GATA1: variants seen among roughly 807,000 people sequenced by gnomAD.
The protein encoded by GATA1 is erythroid transcription factor.
In GATA1, 2 loss-of-function variants were observed where a neutral mutation model predicts 18.9. That is an observed-to-expected ratio of 0.11 (90% CI 0.04 to 0.33). The LOEUF is 0.33. GATA1 is among the 10% of genes least tolerant of loss of function. The pLI, the probability that GATA1 is intolerant of heterozygous loss-of-function variation, is 1.00. For synonymous variants in GATA1, 152 were observed against 149.1 expected (o/e 1.02, Z -0.14); for missense variants, 272 against 344.7 (o/e 0.79, Z 1.67).
chrX:48,789,585 G>C (rs1361615988), intron 1 of GATA1, among the ~76,000 whole-genome samples: 1 of 111,445 alleles, frequency 9.0e-6, no homozygotes, highest in Non-Finnish European at 1.9e-5. Flanking sequence ...GAAAGAGCCT[G>C]AAAGCAGAAC....
chrX:48,793,327 C>T lies in GATA1; in HGVS notation c.870+30C>T, dbSNP rs1557020467. On this transcript the variant is annotated intron_variant, in intron 5 of 5. Coordinates refer to ENST00000376670, the MANE Select transcript of GATA1 (RefSeq NM_002049.4). ...CGCCCTGCCCCTTGGAGCCACCCCT[C>T]TGCTTTCCCTGTCTTCATGCCACAC... is the stretch of plus-strand genomic sequence containing the variant. 3 of 1,201,933 alleles carry T rather than the reference C, an allele frequency of 2.5e-6. No homozygotes were observed. The African/African-American group carries it at 5.2e-5, about 21-fold the overall frequency.
chrX:48,790,918 G>C (rs782091239), intron 1 of GATA1, among the ~76,000 whole-genome samples, 173 bp from the exon 2 acceptor site: 1 of 91,109 alleles, frequency 1.1e-5, no homozygotes, highest in East Asian at 3.7e-4. Flanking sequence ...GAGAAGGAGG[G>C]GAAGGAGAGG....
intron 1 of GATA1, among the ~76,000 whole-genome samples, chrX:48,787,888 G>T (rs1557019444): frequency 8.9e-6 from 1 of 112,115 alleles, no homozygotes. Context: ...GGGGTGAGGG[G>T]CTGGGGCCGA....
At position 48,791,396 on chromosome X, in the gene GATA1, G is replaced by A. The variant is rs940728815; in HGVS notation, c.220+67G>A. 4 of 962,603 alleles carry A rather than the reference G, an allele frequency of 4.2e-6. No homozygotes were observed. In the South Asian group the frequency reaches 8.2e-5, roughly 20 times the overall value. The allele number at this position is 962,603 out of a possible 1,213,427, so 79.3% of individuals were successfully genotyped here. Reference sequence around the variant, plus strand: ...GTTGGGGTTGCCATGGAGATCCTTGGCTAGGTCAGAATACCACTGTGAGGA... The same window carrying A: ...GTTGGGGTTGCCATGGAGATCCTTGACTAGGTCAGAATACCACTGTGAGGA... On this transcript the variant is annotated intron_variant, in intron 2 of 5. Transcript: ENST00000376670.
chrX:48,793,438 C>T, intron 5 of GATA1, 141 bp downstream of exon 5: 1 of 533,428 alleles, frequency 1.9e-6, no homozygotes, highest in South Asian at 2.8e-5. Context: ...CTCCCCCTTC[C>T]CCCATCTCTT....
chrX:48,792,548 T>C, intron 4 of GATA1, 80 bp downstream of exon 4: 2 of 1,146,361 alleles, frequency 1.7e-6, no homozygotes, highest in Non-Finnish European at 2.4e-6. Flanking sequence ...CTTCCCATTA[T>C]ATAGGAACGC....
chrX:48,793,644 A>T, intron 5 of GATA1, 149 bp from the exon 6 acceptor site: 1 of 874,931 alleles, frequency 1.1e-6, no homozygotes, highest in Non-Finnish European at 1.6e-6. Flanking sequence ...TCCTAAGCTC[A>T]GGGCCTCACA....
At chrX:48,793,725 G>A (rs1235513504) in intron 5 of GATA1, 68 bp from the exon 6 acceptor site, 11 of 1,184,404 alleles carry the variant, frequency 9.3e-6, no homozygotes, top group African/African-American at 8.8e-5. Context: ...GGTAGAGAGG[G>A]TGTCCCTGGT....
In GATA1 at chrX:48,791,223, T is replaced by C; in HGVS notation, c.114T>C (p.Pro38=). 8.3e-7 allele frequency: 1 copy of C among 1,205,306 alleles called. No individual in the cohort carries two copies. The highest frequency in any genetic ancestry group is 1.1e-6 in the Non-Finnish European group (1 of 891,983). ...PESGVFFPSG[P]EGLDAAASST... ...CAGGGGTTTTCTTCCCCTCTGGGCC[T>C]GAGGGCTTGGATGCAGCAGCTTCCT... is the stretch of plus-strand genomic sequence containing the variant. Residue 38 remains proline (P), a synonymous_variant, in exon 2 of 6, where the codon CCT becomes CCC. Transcript: ENST00000376670.
At position 48,793,708 on chromosome X, in the gene GATA1, G is replaced by C. The variant is rs782270363; in HGVS notation, c.871-85G>C. The C allele has an allele frequency of 2.6e-6, 3 of 1,146,628 alleles. No individual in the cohort carries two copies. In the South Asian group the frequency reaches 5.7e-5, roughly 22 times the overall value. 94.5% of individuals were successfully genotyped at this position (1,146,628 alleles called of 1,213,427 possible). ...ACCCAAAAATTATCTTACCCTGAAA[G>C]AAGTGGGGTAGAGAGGGTGTCCCTG... On this transcript the variant is annotated intron_variant, in intron 5 of 5. Transcript: ENST00000376670.
chrX:48,793,652 A>T, intron 5 of GATA1, 141 bp from the exon 6 acceptor site: 1 of 939,824 alleles, frequency 1.1e-6, no homozygotes, highest in Non-Finnish European at 1.5e-6. Flanking sequence ...TCAGGGCCTC[A>T]CAGCCTCAGG....
At position 48,793,217 on chromosome X, in the gene GATA1, A is replaced by G; in HGVS notation, c.790A>G (p.Thr264Ala). 1 of 1,208,902 alleles carries G rather than the reference A, an allele frequency of 8.3e-7. No homozygotes were observed. Among genetic ancestry groups the G allele is most frequent in the Non-Finnish European group, 1.1e-6 (1 of 893,769 alleles). The change falls in exon 5 of 6, where the codon ACC becomes GCC. Residue 264 changes from threonine to alanine, a missense_variant. By Grantham distance (58) the Thr-to-Ala change is moderately conservative (BLOSUM62 0). Coordinates refer to ENST00000376670, the MANE Select transcript of GATA1 (RefSeq NM_002049.4). ...AGTQCTNCQT[T>A]TTTLWRRNAS... ...TACTCAGTGCACCAACTGCCAGACG[A>G]CCACCACGACACTGTGGCGGAGAAA...
chrX:48,790,371 C>T (rs2062670322), intron 1 of GATA1, among the ~76,000 whole-genome samples: 2 of 111,247 alleles, frequency 1.8e-5, no homozygotes, highest in South Asian at 7.5e-4. Context: ...AGGAGGATCA[C>T]TGCCGGGAGG....
At position 48,791,354 on chromosome X, in the gene GATA1, G is replaced by C. The variant is rs1204032298; in HGVS notation, c.220+25G>C. The C allele has an allele frequency of 2.6e-6, 3 of 1,149,091 alleles. No individual in the cohort carries two copies. The African/African-American group carries it at 5.3e-5, about 20-fold the overall frequency. The allele number at this position is 1,149,091 out of a possible 1,213,427, so 94.7% of individuals were successfully genotyped here. A position where few individuals can be genotyped will look rare whatever the true frequency, so the allele number is the denominator to read the frequency against. ...GGTAACTCCATTGAGTGGCTGTCTT[G>C]GCATTGGCTGAGTGCTGTTGGGGTT... On this transcript the variant is annotated intron_variant, in intron 2 of 5. Transcript: ENST00000376670.
intron 1 of GATA1, among the ~76,000 whole-genome samples, chrX:48,790,030 TGGAGGAGG>T: frequency 1.1e-5 from 1 of 91,545 alleles, no homozygotes; most frequent in South Asian, 5.0e-4. Flanking sequence ...TAAGAGGAAG[TGGAGGAGG>T]GGAGGAGAGG....
intron 1 of GATA1, among the ~76,000 whole-genome samples, chrX:48,789,516 C>G (rs1485415330): frequency 9.0e-6 from 1 of 110,630 alleles, no homozygotes; most frequent in Non-Finnish European, 1.9e-5. Flanking sequence ...GGTCTCAGCT[C>G]AGCCCCAGCC....
intron 2 of GATA1, 81 bp from the exon 3 acceptor site, chrX:48,791,763 G>A (rs1602219538): frequency 1.8e-6 from 2 of 1,123,121 alleles, no homozygotes; most frequent in Non-Finnish European, 1.2e-6. Flanking sequence ...TGGGGGTGCT[G>A]GGAACCACTG....
Position 48,792,123 on chromosome X carries a change from A to C in GATA1, c.500A>C (p.Asp167Ala), listed in dbSNP as rs1257150820. 1.7e-6 allele frequency: 2 copies of C among 1,209,078 alleles called. No homozygotes were observed. The highest frequency in any genetic ancestry group is 2.2e-6 in the Non-Finnish European group (2 of 894,567). Reference protein sequence around the residue: ...PVPNSAYGGPDFSSTFFSPTG... With the variant: ...PVPNSAYGGPAFSSTFFSPTG... The stretch of plus-strand genomic sequence containing the variant: ...CCCAATAGTGCTTATGGGGGCCCTG[A>C]CTTTTCCAGTACCTTCTTTTCTCCC... The change falls in exon 3 of 6, where the codon GAC becomes GCC. Residue 167 changes from aspartate to alanine, a missense_variant. Physicochemically the swap from Asp to Ala is moderately radical, Grantham distance 126. This residue lies in a region of GATA1 where 147 missense variants were observed against 157.4 expected (regional missense o/e 0.93). Transcript: ENST00000376670.
chrX:48,790,653 G>A (rs2062671200), intron 1 of GATA1, among the ~76,000 whole-genome samples: 1 of 101,227 alleles, frequency 9.9e-6, no homozygotes, highest in Non-Finnish European at 2.0e-5. Context: ...AAGGAAATGG[G>A]GAAGAGGGGG....
Sources: gnomAD v4.1 joint callset for allele counts (sites outside exome capture counted in the v4.1 genomes callset) on GRCh38, gnomAD v4.1.1 for gene constraint, gnomAD v4.1.1 regional missense constraint, MANE v1.5 for transcripts, NCBI Gene and HGNC (gene_info 2026-07-23, HGNC 2026-07-21) for gene names.